Variants in PDE1A observed in about 807,000 individuals in gnomAD.
PDE1A encodes dual specificity calcium/calmodulin-dependent 3',5'-cyclic nucleotide phosphodiesterase 1A.
A neutral mutation model predicts 61.7 loss-of-function variants in PDE1A; 35 were observed. That is an observed-to-expected ratio of 0.57 (90% CI 0.43 to 0.75). PDE1A has a LOEUF of 0.75. Among genes scored for constraint, PDE1A ranks in the 30% least tolerant of loss-of-function variants. The pLI, the probability that PDE1A is intolerant of heterozygous loss-of-function variation, is 0.00. For missense variants in PDE1A, 597 were observed against 630.6 expected (o/e 0.95, Z 0.57); for synonymous variants, 232 against 213.2 (o/e 1.09, Z -0.77).
intron 1 of PDE1A, among the ~76,000 whole-genome samples, chr2:182,426,173 C>G (rs1703610141): frequency 6.6e-6 from 1 of 152,204 alleles, no homozygotes; most frequent in Non-Finnish European, 1.5e-5. Context: ...TCTCCCGACA[C>G]TTCACTCCAG....
chr2:182,212,257 G>A (rs1056316851), intron 7 of PDE1A, among the ~76,000 whole-genome samples: 4 of 149,176 alleles, frequency 2.7e-5, no homozygotes, highest in Admixed American at 6.7e-5. Flanking sequence ...ATATATATAT[G>A]TATACATTTA....
chr2:182,171,370 T>C (rs775848057), intron 13 of PDE1A, among the ~76,000 whole-genome samples: 1 of 152,022 alleles, frequency 6.6e-6, no homozygotes, highest in Non-Finnish European at 1.5e-5. Flanking sequence ...TGATTTTTGT[T>C]TGAAGAACTA....
intron 1 of PDE1A, among the ~76,000 whole-genome samples, chr2:182,286,349 T>A (rs1024558853): frequency 4.6e-5 from 7 of 152,176 alleles, no homozygotes; most frequent in African/African-American, 9.7e-5. Context: ...AGTTTTTTTT[T>A]ATTTTATCTC....
intron 2 of PDE1A, among the ~76,000 whole-genome samples, chr2:182,256,038 C>CTTTTTTTTTT (rs755211798): frequency 2.5e-4 from 23 of 92,324 alleles, no homozygotes; most frequent in South Asian, 4.0e-4. Flanking sequence ...AGGATGACTT[C>CTTTTTTTTTT]TTTTTTTTTT....
intron 1 of PDE1A, among the ~76,000 whole-genome samples, chr2:182,378,341 G>C (rs1020509020): frequency 6.6e-6 from 1 of 152,054 alleles, no homozygotes; most frequent in Non-Finnish European, 1.5e-5. Context: ...TGAAGGGGGC[G>C]TATCAATATT....
At chr2:182,168,352 GA>G (rs933096193) in intron 13 of PDE1A, 85 of 1,420,344 alleles carry the variant, frequency 6.0e-5, no homozygotes, top group Non-Finnish European at 7.0e-5. Flanking sequence ...AAGAAGTTAT[GA>G]AAAAAAGTAA....
intron 2 of PDE1A, among the ~76,000 whole-genome samples, chr2:182,513,700 C>T (rs974772842): frequency 1.3e-5 from 2 of 152,206 alleles, no homozygotes; most frequent in Admixed American, 1.3e-4. Context: ...CTTCAAGAGA[C>T]TCATCTCACA....
the PDE1A span, among the ~76,000 whole-genome samples, chr2:182,565,197 G>C: frequency 6.6e-6 from 1 of 152,056 alleles, no homozygotes; most frequent in Non-Finnish European, 1.5e-5. Context: ...TCTACTTTTG[G>C]TCTTTGATGA....
downstream of PDE1A, among the ~76,000 whole-genome samples, chr2:182,163,174 C>G (rs1691479292): frequency 6.6e-6 from 1 of 152,136 alleles, no homozygotes; most frequent in African/African-American, 2.4e-5. Flanking sequence ...AGTCGTGACT[C>G]TAATTGCAAC....
rs577538499 is a variant in PDE1A, at chr2:182,505,358, G to A, written c.101+16918C>T. ...ACCCACTATGTAGTTATCTAGAGTC[G>A]ACTTTTACCTCAATCTTAACATTTG... On this transcript the variant is annotated intron_variant, in intron 2 of 14. Coordinates refer to the PDE1A transcript ENST00000410103. Among the ~76,000 whole-genome samples the A allele has an allele frequency of 7.2e-5, 11 of 152,196 alleles. 1 individual carries two copies. Among genetic ancestry groups the A allele is most frequent in the Non-Finnish European group, 7.4e-5 (5 of 68,010 alleles).
Position 182,440,000 on chromosome 2 carries a change from G to T in PDE1A, c.101+82276C>A, listed in dbSNP as rs139107392. 2.5e-3 allele frequency among the ~76,000 whole-genome samples: 379 copies of T among 152,122 alleles called. 5 individuals carry two copies. Among genetic ancestry groups the T allele is most frequent in the African/African-American group, 8.7e-3 (363 of 41,534 alleles). On this transcript the variant is annotated intron_variant, in intron 2 of 14. Coordinates refer to the PDE1A transcript ENST00000410103. The stretch of plus-strand genomic sequence containing the variant: ...CCAAAAGAAAAGTTGCCCTAATTGT[G>T]TCTTCCTCAGTTGGAATTCACTTGA...
chr2:182,453,389 C>G (rs567321663), intron 2 of PDE1A, among the ~76,000 whole-genome samples: 2 of 151,670 alleles, frequency 1.3e-5, no homozygotes, highest in East Asian at 3.9e-4. Flanking sequence ...ACATGATGCC[C>G]GATTTGGTCT....
At chr2:182,155,801 G>T (rs1318878068) in intron 13 of PDE1A, among the ~76,000 whole-genome samples, 1 of 152,218 alleles carries the variant, frequency 6.6e-6, no homozygotes, top group Non-Finnish European at 1.5e-5. Flanking sequence ...TGAGGCAGGA[G>T]AATTGCTTGA....
At chr2:182,561,558 T>G in the PDE1A span, among the ~76,000 whole-genome samples, 8 of 152,204 alleles carry the variant, frequency 5.3e-5, no homozygotes, top group African/African-American at 1.7e-4. Flanking sequence ...TGGTTCCATA[T>G]GAACTTTAAA....
chr2:182,316,258 G>A (rs1452108477), intron 1 of PDE1A, among the ~76,000 whole-genome samples: 1 of 152,140 alleles, frequency 6.6e-6, no homozygotes, highest in Admixed American at 6.5e-5. Context: ...TTGAAAGAGT[G>A]TAATGTTTTA....
At chr2:182,162,357 C>A (rs569455690) in intron 13 of PDE1A, among the ~76,000 whole-genome samples, 1 of 152,114 alleles carries the variant, frequency 6.6e-6, no homozygotes, top group South Asian at 2.1e-4. Context: ...ACCTCCAGCA[C>A]TGGCTAATTA....
In PDE1A at chr2:182,254,688, G is replaced by T. The variant is rs2116637; in HGVS notation, c.167+9613C>A. 4.0e-3 allele frequency among the ~76,000 whole-genome samples: 604 copies of T among 152,202 alleles called. 1 individual carries two copies. Among genetic ancestry groups the T allele is most frequent in the Non-Finnish European group, 5.7e-3 (390 of 68,012 alleles). On this transcript the variant is annotated intron_variant, in intron 2 of 13. Coordinates refer to ENST00000351439, the Ensembl canonical transcript of PDE1A. The stretch of plus-strand genomic sequence containing the variant: ...GATTAGAGACTAATCATTAGTAGGA[G>T]CAAAGCCAAGAAAGGAGTTGCTGAA...
the PDE1A span, among the ~76,000 whole-genome samples, chr2:182,618,718 G>A: frequency 3.9e-5 from 6 of 152,250 alleles, no homozygotes; most frequent in South Asian, 2.1e-4. Flanking sequence ...GGTTATTTCC[G>A]GGAACATGAG....
At chr2:182,548,254 G>A in the PDE1A span, among the ~76,000 whole-genome samples, 197 of 152,282 alleles carry the variant, frequency 1.3e-3, no homozygotes, top group Non-Finnish European at 2.2e-3. Context: ...ACAGGAAACA[G>A]CTGGTTTTGC....
Sources: gnomAD v4.1 joint callset for allele counts (sites outside exome capture counted in the v4.1 genomes callset) on GRCh38, gnomAD v4.1.1 for gene constraint, MANE v1.5 for transcripts, NCBI Gene and HGNC (gene_info 2026-07-23, HGNC 2026-07-21) for gene names.